COL5A1: variants seen among roughly 807,000 people sequenced by gnomAD.
The protein encoded by COL5A1 is collagen type V alpha 1 chain, also known as collagen alpha-1(V) chain.
In COL5A1, 16 loss-of-function variants were observed where a neutral mutation model predicts 263.7. The observed-to-expected ratio is 0.06, with a 90% CI of 0.04 to 0.09. COL5A1 has a LOEUF of 0.09. COL5A1 is among the 10% of genes least tolerant of loss of function. COL5A1 has a pLI of 1.00. For missense variants in COL5A1, 2,036 were observed against 2,540.5 expected, an observed-to-expected ratio of 0.80 and a Z score of 4.27; for synonymous variants, 1,012 against 1,004.5, an observed-to-expected ratio of 1.01 and a Z score of -0.14.
At chr9:134,832,252 A>C (rs1839666187) in intron 64 of COL5A1, among the ~76,000 whole-genome samples, 1 of 152,112 alleles carries the variant, frequency 6.6e-6, no homozygotes, top group Non-Finnish European at 1.5e-5. Flanking sequence ...CTAAAAATAC[A>C]AAAATTAGCT....
intron 4 of COL5A1, among the ~76,000 whole-genome samples, chr9:134,726,736 G>T (rs116861667): frequency 6.6e-6 from 1 of 151,618 alleles, no homozygotes; most frequent in East Asian, 2.0e-4. Context: ...ATGGGTGAAT[G>T]GATGAATGAA....
intron 46 of COL5A1, 96 bp from the exon 47 acceptor site, chr9:134,812,353 C>T (rs918644075): frequency 1.5e-6 from 2 of 1,292,136 alleles, no homozygotes; most frequent in Admixed American, 1.7e-5. Context: ...TTCGGGGGCT[C>T]AGTGGTGCTG....
chr9:134,813,851 C>A (rs746026061), intron 48 of COL5A1, 132 bp from the exon 49 acceptor site: 3 of 937,248 alleles, frequency 3.2e-6, no homozygotes, highest in Non-Finnish European at 5.1e-6. Flanking sequence ...ACAGCACTCC[C>A]CAGAAACCCC....
intron 32 of COL5A1, among the ~76,000 whole-genome samples, chr9:134,792,868 C>A (rs1440240212): frequency 3.2e-5 from 1 of 31,650 alleles, no homozygotes; most frequent in Non-Finnish European, 8.0e-5. Flanking sequence ...TGTGTGTGCG[C>A]GCGTTTGTGC....
At chr9:134,772,264 C>T (rs1836888332) in intron 25 of COL5A1, among the ~76,000 whole-genome samples, 1 of 152,244 alleles carries the variant, frequency 6.6e-6, no homozygotes, top group African/African-American at 2.4e-5. Flanking sequence ...CCCCAACAAT[C>T]AGAGATTCCA....
chr9:134,691,054 C>T lies in COL5A1; in HGVS notation c.252C>T (p.Ser84=), dbSNP rs151293601. 1.2e-4 allele frequency: 194 copies of T among 1,613,492 alleles called. No homozygotes were observed. In the African/African-American group the frequency reaches 1.6e-3, roughly 14 times the overall value. The change falls in exon 2 of 66, where the codon AGC becomes AGT. Residue 84 remains serine (S), a synonymous_variant. Coordinates refer to ENST00000371817, the MANE Select transcript of COL5A1 (RefSeq NM_000093.5). The part of the protein sequence containing the change: ...AYRVTKDAQL[S]APTKQLYPAS... ...GAGTCACCAAAGACGCGCAGCTCAG[C>T]GCACCCACCAAGCAGCTGTACCCTG...
intron 4 of COL5A1, among the ~76,000 whole-genome samples, chr9:134,726,107 G>C (rs1834639459): frequency 6.6e-6 from 1 of 152,204 alleles, no homozygotes; most frequent in African/African-American, 2.4e-5. Context: ...AGGGGTAATG[G>C]CAAAGGAGGC....
At chr9:134,655,517 A>C (rs1006908407) in intron 1 of COL5A1, among the ~76,000 whole-genome samples, 1 of 152,098 alleles carries the variant, frequency 6.6e-6, no homozygotes, top group African/African-American at 2.4e-5. Context: ...GGGCATGAGA[A>C]TAATACCTGT....
intron 59 of COL5A1, 124 bp downstream of exon 59, chr9:134,822,274 T>C: frequency 1.2e-6 from 1 of 820,018 alleles, no homozygotes; most frequent in Non-Finnish European, 2.0e-6. Flanking sequence ...AATTGGGGCC[T>C]CCAGGGTGGA....
rs1381335945 is a variant in COL5A1 at position 134,678,576 on chromosome 9, T to G, written c.110-12336T>G. Among the ~76,000 whole-genome samples, 1 of 152,192 alleles carries G rather than the reference T, an allele frequency of 6.6e-6. No individual in the cohort carries two copies. Among genetic ancestry groups the G allele is most frequent in the Non-Finnish European group, 1.5e-5 (1 of 68,024 alleles). On this transcript the variant is annotated intron_variant, in intron 1 of 65. Coordinates refer to ENST00000371817, the MANE Select transcript of COL5A1 (RefSeq NM_000093.5). The surrounding 1 kb of genome is among the most constrained non-coding windows in gnomAD (Gnocchi z 5.5). ...CTCACCACCTGCTGCTCCTCCATGG[T>G]CTCTTCAGAGCCTGTTTTTATCCTG...
At position 134,680,456 on chromosome 9, in the gene COL5A1, C is replaced by G. The variant is rs1832820079; in HGVS notation, c.110-10456C>G. ...AGGTGCGAGCTCCCTGCCCGGCACACCTGTACCTGTTCCTCCATGACCCAT... is the reference window on the plus strand; with the variant it reads ...AGGTGCGAGCTCCCTGCCCGGCACAGCTGTACCTGTTCCTCCATGACCCAT... On this transcript the variant is annotated intron_variant, in intron 1 of 65. Transcript: ENST00000371817. This position sits in a 1 kb window ranked among gnomAD's most constrained non-coding sequence, Gnocchi z 5.9. Among the ~76,000 whole-genome samples the G allele has an allele frequency of 6.6e-6, 1 of 152,218 alleles. No individual in the cohort carries two copies. The highest frequency in any genetic ancestry group is 1.5e-5 in the Non-Finnish European group (1 of 68,030).
Position 134,842,090 on chromosome 9 carries a change from G to A in COL5A1, c.5371-67G>A, listed in dbSNP as rs1184818944. ...TTTGGAGCCAGACAGATTGTGGGGG[G>A]TGATTGGTAAACCCCAAGACCCCCA... is the stretch of plus-strand genomic sequence containing the variant. On this transcript the variant is annotated intron_variant, in intron 65 of 65. Coordinates refer to ENST00000371817, the MANE Select transcript of COL5A1 (RefSeq NM_000093.5). This position sits in a 1 kb window ranked among gnomAD's most constrained non-coding sequence, Gnocchi z 5.8. 18 of 1,583,528 alleles carry A rather than the reference G, an allele frequency of 1.1e-5. No homozygotes were observed. The highest frequency in any genetic ancestry group is 4.4e-5 in the South Asian group (4 of 90,402).
intron 22 of COL5A1, 37 bp downstream of exon 22, chr9:134,766,535 C>T (rs1836673704): frequency 1.2e-6 from 2 of 1,606,816 alleles, no homozygotes; most frequent in South Asian, 1.1e-5. Flanking sequence ...GCTTCAGGGG[C>T]ACTTTCCCTG....
At chr9:134,807,114 C>A (rs1329013239) in intron 42 of COL5A1, among the ~76,000 whole-genome samples, 1 of 152,220 alleles carries the variant, frequency 6.6e-6, no homozygotes, top group East Asian at 1.9e-4. Flanking sequence ...TTCTGCCACA[C>A]AATTTTGCAG....
At chr9:134,726,230 C>G (rs951338078) in intron 4 of COL5A1, among the ~76,000 whole-genome samples, 1 of 151,874 alleles carries the variant, frequency 6.6e-6, no homozygotes, top group Admixed American at 6.6e-5. Flanking sequence ...CAACAGGTGT[C>G]TGGTAAATGG....
intron 1 of COL5A1, among the ~76,000 whole-genome samples, chr9:134,685,515 C>T (rs1231462565): frequency 6.8e-6 from 1 of 146,424 alleles, no homozygotes; most frequent in Non-Finnish European, 1.5e-5. Context: ...CATCACCATC[C>T]ATCCATCCAT....
chr9:134,792,521 C>T (rs796913446), intron 32 of COL5A1, among the ~76,000 whole-genome samples: 29 of 152,152 alleles, frequency 1.9e-4, no homozygotes, highest in African/African-American at 6.3e-4. Context: ...GATTACAGAT[C>T]GCCTGGCTAA....
chr9:134,705,162 C>T (rs1428255243), intron 4 of COL5A1, among the ~76,000 whole-genome samples: 1 of 152,208 alleles, frequency 6.6e-6, no homozygotes, highest in Non-Finnish European at 1.5e-5. Context: ...GGGGTTTTTC[C>T]TGGGGTGTCT....
intron 58 of COL5A1, among the ~76,000 whole-genome samples, chr9:134,820,842 C>T (rs949111091): frequency 1.3e-5 from 2 of 152,166 alleles, no homozygotes; most frequent in Non-Finnish European, 2.9e-5. Flanking sequence ...CCCATGAGGG[C>T]CACGGGTCCT....
Sources: allele counts gnomAD v4.1 joint callset (sites outside exome capture counted in the v4.1 genomes callset), GRCh38; gene constraint gnomAD v4.1.1; non-coding constraint Gnocchi (gnomAD v3.1); transcripts MANE v1.5; gene names NCBI Gene and HGNC (gene_info 2026-07-23, HGNC 2026-07-21).